The following IQCB1 variants were observed in gnomAD, a reference collection of about 807,000 sequenced individuals.
IQCB1 encodes IQ motif containing B1.
A neutral mutation model predicts 84.4 loss-of-function variants in IQCB1; 56 were observed. The ratio of observed to expected loss-of-function variants is 0.66; its 90% confidence interval spans 0.54 to 0.83. The LOEUF is 0.83. Among genes scored for constraint, IQCB1 ranks in the 40% least tolerant of loss-of-function variants. The pLI is 0.00. For missense variants in IQCB1, 629 were observed against 682.1 expected (o/e 0.92, Z 0.87); for synonymous variants, 210 against 234.8 (o/e 0.89, Z 0.96).
At chr3:121,787,175 G>A (rs1162084367) in intron 12 of IQCB1, among the ~76,000 whole-genome samples, 7 of 132,296 alleles carry the variant, frequency 5.3e-5, no homozygotes, top group Admixed American at 1.6e-4. Flanking sequence ...ATTCTACAAT[G>A]TTTTTTGGAT....
intron 13 of IQCB1, among the ~76,000 whole-genome samples, chr3:121,781,160 G>A (rs1948472050): frequency 6.6e-6 from 1 of 152,144 alleles, no homozygotes; most frequent in African/African-American, 2.4e-5. Flanking sequence ...AGGCAGAAAG[G>A]GAAATGACCT....
intron 13 of IQCB1, among the ~76,000 whole-genome samples, chr3:121,773,945 A>C (rs1948114642): frequency 6.6e-6 from 1 of 152,102 alleles, no homozygotes; most frequent in Non-Finnish European, 1.5e-5. Flanking sequence ...TTGGTGCACC[A>C]AAGATCACTA....
chr3:121,824,538 C>T (rs187650567), intron 5 of IQCB1, among the ~76,000 whole-genome samples: 2 of 144,724 alleles, frequency 1.4e-5, no homozygotes, highest in East Asian at 4.1e-4. Context: ...TAATAGTAAA[C>T]AAAGTAGACT....
At chr3:121,807,249 C>CTAGTATATAGTGCATATACTTGTATAT (rs71133575) in intron 7 of IQCB1, 95 bp downstream of exon 7, 1 of 735,140 alleles carries the variant, frequency 1.4e-6, no homozygotes, top group African/African-American at 1.7e-5. Flanking sequence ...ACATTATATA[C>CTAGTATATAGTGCATATACTTGTATAT]AAATCATATG....
chr3:121,778,082 A>T (rs946262805), intron 13 of IQCB1, among the ~76,000 whole-genome samples: 1 of 151,830 alleles, frequency 6.6e-6, no homozygotes, highest in African/African-American at 2.4e-5. Context: ...TAATTTTTAA[A>T]TTTTTTGTAG....
At chr3:121,786,040 G>A (rs1204606353) in intron 12 of IQCB1, among the ~76,000 whole-genome samples, 1 of 141,936 alleles carries the variant, frequency 7.0e-6, no homozygotes, top group Non-Finnish European at 1.6e-5. Flanking sequence ...GCCTGGTGGT[G>A]CAAGCCTGTA....
intron 2 of IQCB1, among the ~76,000 whole-genome samples, chr3:121,833,235 C>T (rs886606083): frequency 1.4e-4 from 21 of 152,294 alleles, no homozygotes; most frequent in African/African-American, 4.8e-4. Flanking sequence ...TTAAGACCAT[C>T]TTTGCTGGCT....
At chr3:121,779,506 T>A (rs1948384906) in intron 13 of IQCB1, among the ~76,000 whole-genome samples, 1 of 152,196 alleles carries the variant, frequency 6.6e-6, no homozygotes, top group South Asian at 2.1e-4. Context: ...TTTACATTTT[T>A]CATCTTTCTA....
chr3:121,776,424 T>C (rs1357487675), intron 13 of IQCB1, among the ~76,000 whole-genome samples: 2 of 152,226 alleles, frequency 1.3e-5, no homozygotes, highest in Non-Finnish European at 2.9e-5. Flanking sequence ...TTAAAGAAAC[T>C]GTTGAACTGT....
chr3:121,770,638 G>A (rs532487183), intron 14 of IQCB1, 64 bp from the exon 15 acceptor site: 1 of 1,227,376 alleles, frequency 8.1e-7, no homozygotes, highest in African/African-American at 1.5e-5. Context: ...TAGGAACTTG[G>A]AAGCTACAGA....
intron 5 of IQCB1, among the ~76,000 whole-genome samples, chr3:121,824,513 G>T (rs1050921552): frequency 1.3e-5 from 2 of 151,664 alleles, no homozygotes; most frequent in African/African-American, 2.4e-5. Context: ...AAGAAAACTG[G>T]AGTGGCAATA....
intron 8 of IQCB1, 111 bp downstream of exon 8, chr3:121,799,085 T>G (rs1428633317): frequency 1.4e-6 from 1 of 739,678 alleles, no homozygotes. Flanking sequence ...GAGTTTTATC[T>G]ACATAGGTCA....
chr3:121,810,391 C>T (rs1447720796), intron 5 of IQCB1, among the ~76,000 whole-genome samples: 2 of 151,944 alleles, frequency 1.3e-5, no homozygotes, highest in African/African-American at 2.4e-5. Context: ...TAATTTTGCC[C>T]TGTGGTTAAG....
intron 10 of IQCB1, among the ~76,000 whole-genome samples, chr3:121,791,838 C>T (rs1948988762): frequency 6.6e-6 from 1 of 152,142 alleles, no homozygotes; most frequent in Non-Finnish European, 1.5e-5. Context: ...CGCCTGTAAT[C>T]CCAGCACTTT....
chr3:121,795,374 T>TA (rs201257854), intron 10 of IQCB1, 83 bp downstream of exon 10: 257 of 819,666 alleles, frequency 3.1e-4, no homozygotes, highest in Admixed American at 6.3e-4. Flanking sequence ...ACTAGGAAAT[T>TA]AAAAAAAAAT....
chr3:121,811,890 G>A (rs1223741794), intron 5 of IQCB1, among the ~76,000 whole-genome samples: 1 of 152,200 alleles, frequency 6.6e-6, no homozygotes, highest in Non-Finnish European at 1.5e-5. Context: ...GAAGAGAGCG[G>A]CGCATCTCCC....
chr3:121,806,581 T>C (rs928206912), intron 7 of IQCB1, among the ~76,000 whole-genome samples: 1 of 152,122 alleles, frequency 6.6e-6, no homozygotes, highest in Non-Finnish European at 1.5e-5. Context: ...TACTGCTTTC[T>C]CTTTCTCCTC....
chr3:121,780,642 A>C (rs1948431257), intron 13 of IQCB1, among the ~76,000 whole-genome samples: 1 of 152,242 alleles, frequency 6.6e-6, no homozygotes, highest in African/African-American at 2.4e-5. Context: ...GCTGTGTTCC[A>C]GTGGTTACCA....
intron 11 of IQCB1, among the ~76,000 whole-genome samples, chr3:121,789,796 A>G (rs1250272686): frequency 4.6e-5 from 7 of 152,216 alleles, no homozygotes; most frequent in Admixed American, 4.6e-4. Flanking sequence ...TGTCTCTAAC[A>G]GCTATCTTTA....
Sources: gnomAD v4.1 joint callset for allele counts (sites outside exome capture counted in the v4.1 genomes callset) on GRCh38, gnomAD v4.1.1 for gene constraint, MANE v1.5 for transcripts, NCBI Gene and HGNC (gene_info 2026-07-23, HGNC 2026-07-21) for gene names.